The following NPFFR2 variants were observed in gnomAD, a reference collection of about 807,000 sequenced individuals.
NPFFR2 encodes G-protein coupled receptor 74.
Under a neutral mutation model 13.1 loss-of-function variants are expected in NPFFR2, and 15 were observed. The observed-to-expected ratio is 1.15, with a 90% CI of 0.77 to 1.76. The LOEUF (loss-of-function observed/expected upper bound fraction) is 1.76. NPFFR2 is among the 40% of genes most tolerant of loss of function. NPFFR2 has a pLI of 0.00. For missense variants in NPFFR2, 572 were observed against 503.5 expected, an observed-to-expected ratio of 1.14 and a Z score of -1.30; for synonymous variants, 190 against 175.7, an observed-to-expected ratio of 1.08 and a Z score of -0.65.
At chr4:72,116,210 T>C (rs1315857032) in intron 1 of NPFFR2, among the ~76,000 whole-genome samples, 4 of 152,162 alleles carry the variant, frequency 2.6e-5, no homozygotes, top group Non-Finnish European at 5.9e-5. Context: ...TATGCTTGTG[T>C]ATATATTTTT....
Position 72,089,376 on chromosome 4 carries a change from T to C in NPFFR2, c.-7-39209T>C, listed in dbSNP as rs936976430. On this transcript the variant is annotated intron_variant, in intron 1 of 3. Transcript: ENST00000308744. ...TTGCTGGATCAAATGGTATATCTAC[T>C]TTTAGTTCTTAAAGGAATCTTCACA... is the stretch of plus-strand genomic sequence containing the variant. Among the ~76,000 whole-genome samples, 5 of 152,178 alleles carry C rather than the reference T, an allele frequency of 3.3e-5. No individual in the cohort carries two copies. The East Asian group carries it at 9.6e-4, about 29-fold the overall frequency.
At chr4:72,041,223 C>T (rs1719209419) in intron 1 of NPFFR2, among the ~76,000 whole-genome samples, 1 of 152,092 alleles carries the variant, frequency 6.6e-6, no homozygotes, top group Non-Finnish European at 1.5e-5. Flanking sequence ...TGATTAGCTC[C>T]CTCTTATAAG....
rs115563159 is a variant in NPFFR2, at chr4:72,044,004, C to T, written c.-8+11804C>T. On this transcript the variant is annotated intron_variant, in intron 1 of 3. Transcript: ENST00000308744. ...GATGTGGTGGGAAGTAATTGAATCA[C>T]GGGGGCACTTACTTCCATGCTGTTC... Among the ~76,000 whole-genome samples, 1,218 of 152,232 alleles carry T rather than the reference C, an allele frequency of 8.0e-3. 8 individuals carry two copies. The highest frequency in any genetic ancestry group is 0.017 in the African/African-American group (704 of 41,540).
At chr4:72,118,329 T>C (rs1256243334) in intron 1 of NPFFR2, among the ~76,000 whole-genome samples, 2 of 152,216 alleles carry the variant, frequency 1.3e-5, no homozygotes, top group African/African-American at 4.8e-5. Context: ...GTCTGACATA[T>C]GGTAAGCATA....
rs533763103 is a variant in NPFFR2, at chr4:72,148,242, A to G, written c.*430A>G. Among the ~76,000 whole-genome samples, 1 of 152,324 alleles carries G rather than the reference A, an allele frequency of 6.6e-6. No individual in the cohort carries two copies. The highest frequency in any genetic ancestry group is 1.9e-4 in the East Asian group (1 of 5,176). ...ATTTAAAATTTTAGATTACAAGACT[A>G]TTACTCTGCTTATGTTTATAAACTG... On this transcript the variant is annotated 3_prime_UTR_variant, in exon 4 of 4. Coordinates refer to ENST00000308744, the MANE Select transcript of NPFFR2 (RefSeq NM_004885.3).
intron 2 of NPFFR2, among the ~76,000 whole-genome samples, chr4:72,131,639 T>C (rs181054399): frequency 6.6e-6 from 1 of 152,140 alleles, no homozygotes; most frequent in Admixed American, 6.5e-5. Flanking sequence ...CATTATAACA[T>C]TATATAACAT....
intron 1 of NPFFR2, among the ~76,000 whole-genome samples, chr4:72,057,345 TC>T (rs972196145): frequency 3.3e-5 from 5 of 151,996 alleles, no homozygotes; most frequent in East Asian, 1.9e-4. Flanking sequence ...TTCTCACAGT[TC>T]CAGAGGCCAG....
intron 1 of NPFFR2, among the ~76,000 whole-genome samples, chr4:72,091,266 T>C (rs910197644): frequency 6.6e-6 from 1 of 152,122 alleles, no homozygotes; most frequent in Non-Finnish European, 1.5e-5. Flanking sequence ...TGCATGTGTG[T>C]TCATCAGGGA....
intron 2 of NPFFR2, among the ~76,000 whole-genome samples, chr4:72,135,739 T>C (rs2109841355): frequency 1.3e-5 from 2 of 152,174 alleles, no homozygotes; most frequent in Middle Eastern, 6.8e-3. Flanking sequence ...CTATGTGTGT[T>C]AGTCTTTTTC....
intron 1 of NPFFR2, among the ~76,000 whole-genome samples, chr4:72,056,533 G>C (rs1719748660): frequency 2.0e-5 from 3 of 151,994 alleles, no homozygotes; most frequent in African/African-American, 7.2e-5. Flanking sequence ...TTAGTCCATA[G>C]ATCAATGAGT....
intron 1 of NPFFR2, among the ~76,000 whole-genome samples, chr4:72,044,070 A>G (rs1719309556): frequency 6.6e-6 from 1 of 152,174 alleles, no homozygotes; most frequent in South Asian, 2.1e-4. Flanking sequence ...TGATGGTTTT[A>G]TAAGGGGCTT....
intron 1 of NPFFR2, among the ~76,000 whole-genome samples, chr4:72,079,785 C>T (rs1167693458): frequency 6.6e-6 from 1 of 152,176 alleles, no homozygotes; most frequent in Non-Finnish European, 1.5e-5. Context: ...AAAGTACTTA[C>T]AGCCAGATTA....
At chr4:72,053,273 A>G (rs1353215757) in intron 1 of NPFFR2, among the ~76,000 whole-genome samples, 2 of 151,822 alleles carry the variant, frequency 1.3e-5, no homozygotes, top group Non-Finnish European at 2.9e-5. Context: ...ATGTTTCTCA[A>G]GCTCCCAGAT....
intron 1 of NPFFR2, among the ~76,000 whole-genome samples, chr4:72,080,340 T>C (rs1388752696): frequency 6.6e-6 from 1 of 151,988 alleles, no homozygotes; most frequent in Non-Finnish European, 1.5e-5. Context: ...AATTTTTGTA[T>C]TTTTAGTAGA....
intron 1 of NPFFR2, among the ~76,000 whole-genome samples, chr4:72,083,908 C>G (rs559135497): frequency 4.6e-5 from 7 of 151,894 alleles, no homozygotes; most frequent in Non-Finnish European, 1.0e-4. Flanking sequence ...GTTCTCAAGT[C>G]AAAGCTAGAG....
At chr4:72,043,023 C>G (rs950090087) in intron 1 of NPFFR2, among the ~76,000 whole-genome samples, 1 of 152,188 alleles carries the variant, frequency 6.6e-6, no homozygotes, top group East Asian at 1.9e-4. Flanking sequence ...TCCAGGCCCC[C>G]TTGCTGTGTT....
intron 1 of NPFFR2, among the ~76,000 whole-genome samples, chr4:72,114,445 A>C (rs1454920342): frequency 6.6e-6 from 1 of 152,160 alleles, no homozygotes; most frequent in Non-Finnish European, 1.5e-5. Flanking sequence ...CTTAAATTAT[A>C]GAATGGGGTC....
chr4:72,104,534 G>C (rs1434289620), intron 1 of NPFFR2, among the ~76,000 whole-genome samples: 3 of 151,930 alleles, frequency 2.0e-5, no homozygotes, highest in Non-Finnish European at 4.4e-5. Flanking sequence ...CACTAACATT[G>C]TTCAAGAGTC....
intron 1 of NPFFR2, among the ~76,000 whole-genome samples, chr4:72,120,245 G>C (rs1296552724): frequency 6.6e-6 from 1 of 152,224 alleles, no homozygotes; most frequent in East Asian, 1.9e-4. Context: ...ATCTCTGAAA[G>C]AAAGGCAGCA....
Sources: gnomAD v4.1 joint callset for allele counts (sites outside exome capture counted in the v4.1 genomes callset) on GRCh38, gnomAD v4.1.1 for gene constraint, MANE v1.5 for transcripts, NCBI Gene and HGNC (gene_info 2026-07-23, HGNC 2026-07-21) for gene names.